Variants in CCDC102B observed in about 807,000 individuals in gnomAD.
CCDC102B encodes the protein coiled-coil domain containing 102B, also known as coiled-coil domain-containing protein 102B.
CCDC102B carries 75 observed loss-of-function variants against 57.4 expected under a neutral mutation model. The observed-to-expected ratio is 1.31, with a 90% confidence interval of 1.08 to 1.58. The LOEUF (loss-of-function observed/expected upper bound fraction) is 1.58, where lower values mean the gene tolerates loss of function less well. CCDC102B is among the 40% of genes most tolerant of loss of function. The pLI is 0.00. For synonymous variants in CCDC102B, 206 were observed against 201.9 expected (o/e 1.02, Z -0.17); for missense variants, 636 against 582.6 (o/e 1.09, Z -0.94).
In CCDC102B at chr18:69,010,924, C is replaced by T. The variant is rs1258995968; in HGVS notation, c.1264-10C>T. 3.2e-6 allele frequency: 5 copies of T among 1,556,780 alleles called. No individual in the cohort carries two copies. Among genetic ancestry groups the T allele is most frequent in the South Asian group, 1.2e-5 (1 of 80,340 alleles). ...CTATAAATAATGTAATTTTTGTTTT[C>T]CTTTGAAAGGAATTACTGAACCTTC... is the stretch of plus-strand genomic sequence containing the variant. On this transcript the variant is annotated splice_polypyrimidine_tract_variant and intron_variant, in intron 6 of 7. Coordinates refer to ENST00000360242, the MANE Select transcript of CCDC102B (RefSeq NM_024781.3).
At chr18:69,003,166 G>A (rs557201436) in intron 6 of CCDC102B, among the ~76,000 whole-genome samples, 2 of 152,134 alleles carry the variant, frequency 1.3e-5, no homozygotes, top group Non-Finnish European at 1.5e-5. Context: ...AAAATAAATA[G>A]CAGTTGTCAA....
chr18:68,741,064 C>G (rs935779683), intron 2 of CCDC102B, among the ~76,000 whole-genome samples: 3 of 152,188 alleles, frequency 2.0e-5, no homozygotes, highest in Admixed American at 6.5e-5. Flanking sequence ...CTAGGAGGTG[C>G]TCTTGTGGAT....
chr18:68,744,287 T>C (rs866806347), intron 2 of CCDC102B, among the ~76,000 whole-genome samples: 3 of 152,240 alleles, frequency 2.0e-5, no homozygotes, highest in Non-Finnish European at 2.9e-5. Flanking sequence ...TTTGTTGTTC[T>C]GACAATTTTT....
intron 1 of CCDC102B, among the ~76,000 whole-genome samples, chr18:68,806,753 A>G (rs1403933879): frequency 6.7e-6 from 1 of 149,372 alleles, no homozygotes; most frequent in Non-Finnish European, 1.5e-5. Flanking sequence ...ATTAATTTTA[A>G]TAATATTTTT....
chr18:68,824,312 C>A (rs1347782464), intron 1 of CCDC102B, among the ~76,000 whole-genome samples: 4 of 152,128 alleles, frequency 2.6e-5, no homozygotes, highest in African/African-American at 9.7e-5. Flanking sequence ...CACGAGGAGG[C>A]CTTTTCCCAT....
chr18:68,869,318 A>T (rs558098094), intron 4 of CCDC102B, among the ~76,000 whole-genome samples: 5 of 152,184 alleles, frequency 3.3e-5, no homozygotes, highest in Non-Finnish European at 7.3e-5. Flanking sequence ...CAGAAATCCA[A>T]GCAGGAGGGA....
intron 4 of CCDC102B, among the ~76,000 whole-genome samples, chr18:68,870,132 G>A (rs1039641574): frequency 1.3e-5 from 2 of 152,124 alleles, no homozygotes; most frequent in African/African-American, 4.8e-5. Flanking sequence ...ACTCATAAGT[G>A]GGACTTGAAC....
intron 6 of CCDC102B, 52 bp downstream of exon 6, chr18:68,897,480 C>T: frequency 6.4e-7 from 1 of 1,565,292 alleles, no homozygotes; most frequent in Non-Finnish European, 8.8e-7. Flanking sequence ...ACTCTGATGC[C>T]TACGCAGAGT....
Position 68,808,189 on chromosome 18 carries a change from G to T in CCDC102B, c.-16+10008G>T, listed in dbSNP as rs112453995. 6.2e-3 allele frequency among the ~76,000 whole-genome samples: 942 copies of T among 151,972 alleles called. 10 individuals are homozygous for T. The highest frequency in any genetic ancestry group is 0.021 in the African/African-American group (891 of 41,456). ...TTTTTCAAGTAACATATCTAAAATTGGATTACTTGTTTTATATTATATTAA... is the reference window on the plus strand; with the variant it reads ...TTTTTCAAGTAACATATCTAAAATTTGATTACTTGTTTTATATTATATTAA... On this transcript the variant is annotated intron_variant, in intron 1 of 7. Transcript: ENST00000360242.
chr18:68,874,845 C>A, intron 5 of CCDC102B, 60 bp downstream of exon 5: 1 of 1,072,452 alleles, frequency 9.3e-7, no homozygotes, highest in Non-Finnish European at 1.4e-6. Context: ...TTGTTAAATG[C>A]CATACTATTT....
chr18:68,944,709 T>A (rs2049483081), intron 6 of CCDC102B, among the ~76,000 whole-genome samples: 1 of 151,906 alleles, frequency 6.6e-6, no homozygotes, highest in African/African-American at 2.4e-5. Context: ...ATAATAATAA[T>A]AAACATGAGA....
intron 1 of CCDC102B, among the ~76,000 whole-genome samples, chr18:68,808,917 T>C (rs2036141931): frequency 1.3e-5 from 2 of 152,236 alleles, no homozygotes; most frequent in African/African-American, 4.8e-5. Flanking sequence ...TACATGGTTT[T>C]ATTTTTAAAA....
intron 3 of CCDC102B, among the ~76,000 whole-genome samples, chr18:68,841,823 C>G (rs1157990700): frequency 6.6e-6 from 1 of 152,174 alleles, no homozygotes; most frequent in Non-Finnish European, 1.5e-5. Context: ...ATCTCAGCCT[C>G]CTGGGCTCAA....
chr18:68,991,471 C>T (rs1243517058), intron 6 of CCDC102B, among the ~76,000 whole-genome samples: 1 of 152,166 alleles, frequency 6.6e-6, no homozygotes, highest in Non-Finnish European at 1.5e-5. Flanking sequence ...GCTAAGTGTT[C>T]ATGGCTTTAA....
intron 5 of CCDC102B, among the ~76,000 whole-genome samples, chr18:68,876,952 T>C (rs2039472561): frequency 6.6e-6 from 1 of 152,176 alleles, no homozygotes; most frequent in Non-Finnish European, 1.5e-5. Flanking sequence ...ATCTGATAAA[T>C]AGAAAGTTGA....
chr18:68,776,509 T>C (rs1333484302), intron 2 of CCDC102B, among the ~76,000 whole-genome samples: 1 of 152,196 alleles, frequency 6.6e-6, no homozygotes, highest in African/African-American at 2.4e-5. Context: ...ATCATGTCCT[T>C]TGCAAAGACA....
At chr18:68,755,689 CAT>C (rs755107325) in intron 2 of CCDC102B, among the ~76,000 whole-genome samples, 2 of 151,670 alleles carry the variant, frequency 1.3e-5, no homozygotes, top group South Asian at 4.1e-4. Flanking sequence ...TAATCCATAA[CAT>C]ATTTAAGACA....
intron 2 of CCDC102B, among the ~76,000 whole-genome samples, chr18:68,724,293 G>C (rs1206526100): frequency 6.6e-6 from 1 of 152,182 alleles, no homozygotes; most frequent in African/African-American, 2.4e-5. Context: ...GACATGCCCC[G>C]AAGACATTTT....
At chr18:69,045,865 T>C (rs1228465786) in intron 7 of CCDC102B, among the ~76,000 whole-genome samples, 1 of 152,188 alleles carries the variant, frequency 6.6e-6, no homozygotes, top group East Asian at 1.9e-4. Context: ...GTATTTGGTT[T>C]TCTGTTTCTG....
Sources: allele counts gnomAD v4.1 joint callset (sites outside exome capture counted in the v4.1 genomes callset), GRCh38; gene constraint gnomAD v4.1.1; transcripts MANE v1.5; gene names NCBI Gene and HGNC (gene_info 2026-07-23, HGNC 2026-07-21).